CTNNB1: variants seen among roughly 807,000 people sequenced by gnomAD.
CTNNB1 encodes the protein catenin beta-1.
In CTNNB1, 6 loss-of-function variants were observed where a neutral mutation model predicts 82.5. That is an observed-to-expected ratio of 0.07 (90% CI 0.04 to 0.14). The LOEUF (loss-of-function observed/expected upper bound fraction) is 0.14, where lower values mean the gene tolerates loss of function less well. CTNNB1 is among the 10% of genes least tolerant of loss of function. The pLI, the probability that CTNNB1 is intolerant of heterozygous loss-of-function variation, is 1.00. For missense variants in CTNNB1, 529 were observed against 980.4 expected, an observed-to-expected ratio of 0.54 and a Z score of 6.15; for synonymous variants, 312 against 329.7, an observed-to-expected ratio of 0.95 and a Z score of 0.58.
At chr3:41,222,703 T>TA (rs1212492516) in intron 1 of CTNNB1, among the ~76,000 whole-genome samples, 2 of 152,172 alleles carry the variant, frequency 1.3e-5, no homozygotes, top group Non-Finnish European at 1.5e-5. Flanking sequence ...AACAGTACTA[T>TA]AAAAAAATGT....
intron 1 of CTNNB1, among the ~76,000 whole-genome samples, chr3:41,223,778 T>C (rs1293983679): frequency 6.6e-6 from 1 of 152,162 alleles, no homozygotes; most frequent in Admixed American, 6.5e-5. Context: ...ATAATTAATA[T>C]TTATACTATT....
intron 3 of CTNNB1, 36 bp downstream of exon 3, chr3:41,224,789 C>A (rs2078136121): frequency 6.2e-7 from 1 of 1,602,240 alleles, no homozygotes; most frequent in South Asian, 1.1e-5. Flanking sequence ...TACTGAAAGT[C>A]AGAATGCAGT....
In CTNNB1 at chr3:41,228,418, G is replaced by A. The variant is rs370384192; in HGVS notation, c.1081+1066G>A. On this transcript the variant is annotated intron_variant, in intron 7 of 14. Transcript: ENST00000349496. ...CTTTTTATTAGTAGCCATTCTAACT[G>A]GTGTGAGACGGTATCTCATTGTGGT... Among the ~76,000 whole-genome samples the A allele has an allele frequency of 5.3e-5, 8 of 152,222 alleles. No homozygotes were observed. In the East Asian group the frequency reaches 9.7e-4, roughly 18 times the overall value.
At chr3:41,204,348 G>A (rs901282821) in intron 1 of CTNNB1, among the ~76,000 whole-genome samples, 1 of 152,066 alleles carries the variant, frequency 6.6e-6, no homozygotes, top group Non-Finnish European at 1.5e-5. Context: ...TTGCTACCGG[G>A]GACTTAATTT....
At chr3:41,207,955 C>T (rs2077688294) in intron 1 of CTNNB1, among the ~76,000 whole-genome samples, 1 of 152,134 alleles carries the variant, frequency 6.6e-6, no homozygotes, top group Non-Finnish European at 1.5e-5. Flanking sequence ...CCTTTATTTT[C>T]CAAAACTTCA....
chr3:41,225,966 T>A lies in CTNNB1; in HGVS notation c.936+105T>A. 2 of 1,070,590 alleles carry A rather than the reference T, an allele frequency of 1.9e-6. No homozygotes were observed. The highest frequency in any genetic ancestry group is 2.8e-6 in the Non-Finnish European group (2 of 712,438). The allele number at this position is 1,070,590 out of a possible 1,614,324, so 66.3% of individuals were successfully genotyped here. On this transcript the variant is annotated intron_variant, in intron 6 of 14. Transcript: ENST00000349496. The surrounding 1 kb of genome is among the most constrained non-coding windows in gnomAD (Gnocchi z 5.3). ...ACCTTTTTGGCACCAGGGACCAGTT[T>A]CGTGGAAAACAGTTTTTCCATGAAT...
At chr3:41,208,998 C>T (rs1026938923) in intron 1 of CTNNB1, among the ~76,000 whole-genome samples, 3 of 152,214 alleles carry the variant, frequency 2.0e-5, no homozygotes, top group Non-Finnish European at 4.4e-5. Flanking sequence ...CTGCCAGTGA[C>T]CACCACGTTA....
Position 41,239,320 on chromosome 3 carries a change from C to T in CTNNB1, c.2324C>T (p.Ala775Val), listed in dbSNP as rs1302757202. The T allele has an allele frequency of 6.2e-7, 1 of 1,613,900 alleles. No homozygotes were observed. Among genetic ancestry groups the T allele is most frequent in the Non-Finnish European group, 8.5e-7 (1 of 1,179,938 alleles). Residue 775 changes from alanine to valine, a missense_variant, in exon 15 of 15, where the codon GCC (alanine) becomes GTC (valine). Ala to Val is a moderately conservative substitution (Grantham distance 64). Transcript: ENST00000349496. The stretch of plus-strand genomic sequence containing the variant: ...CCTCCAGGTGACAGCAATCAGCTGG[C>T]CTGGTTTGATACTGACCTGTAAATC... ...GLPPGDSNQLAWFDTDL is the reference protein window; with the variant it reads ...GLPPGDSNQLVWFDTDL
rs561653391 is a variant in CTNNB1, at chr3:41,218,857, G to A, written c.-48-5164G>A. Among the ~76,000 whole-genome samples the A allele has an allele frequency of 5.5e-4, 84 of 152,284 alleles. 1 individual carries two copies. The highest frequency in any genetic ancestry group is 1.1e-3 in the Non-Finnish European group (75 of 68,018). The stretch of plus-strand genomic sequence containing the variant: ...CAGGTGTGAGCCACCACACCTTGCC[G>A]AATTGCAGCCATATTTAATACTTTT... On this transcript the variant is annotated intron_variant, in intron 1 of 14. Coordinates refer to ENST00000349496, the MANE Select transcript of CTNNB1 (RefSeq NM_001904.4).
intron 13 of CTNNB1, chr3:41,236,969 C>A: frequency 1.7e-6 from 1 of 585,918 alleles, no homozygotes; most frequent in Admixed American, 3.2e-5. Flanking sequence ...AAAATGTTAC[C>A]AGATTAAAGA....
intron 1 of CTNNB1, chr3:41,220,714 T>A (rs887098058): frequency 6.6e-6 from 1 of 152,198 alleles, no homozygotes; most frequent in Admixed American, 6.5e-5. Context: ...CGGGGAATAA[T>A]TCTTTGGATC....
At chr3:41,200,878 T>TC (rs372869852) in intron 1 of CTNNB1, among the ~76,000 whole-genome samples, 42 of 152,266 alleles carry the variant, frequency 2.8e-4, no homozygotes, top group African/African-American at 1.0e-3. Flanking sequence ...TCTGTGGTCT[T>TC]CCCCCCACCC....
intron 14 of CTNNB1, chr3:41,238,546 T>TAA (rs2078494666): frequency 5.2e-6 from 1 of 193,144 alleles, no homozygotes; most frequent in Admixed American, 5.3e-5. Flanking sequence ...CTAACAATTA[T>TAA]AACTGTCTTA....
At chr3:41,212,637 T>C (rs922661204) in intron 1 of CTNNB1, among the ~76,000 whole-genome samples, 2 of 152,314 alleles carry the variant, frequency 1.3e-5, no homozygotes, top group African/African-American at 4.8e-5. Context: ...GCTGTTCAGT[T>C]GGTAGCAACC....
chr3:41,209,281 C>A (rs1315714640), intron 1 of CTNNB1, among the ~76,000 whole-genome samples: 1 of 152,132 alleles, frequency 6.6e-6, no homozygotes, highest in Non-Finnish European at 1.5e-5. Flanking sequence ...TGTTTGCTAA[C>A]GATTTCCAAA....
At chr3:41,207,337 C>G (rs185075009) in intron 1 of CTNNB1, among the ~76,000 whole-genome samples, 23 of 152,260 alleles carry the variant, frequency 1.5e-4, no homozygotes, top group Non-Finnish European at 1.5e-5. Flanking sequence ...AGAGCGCCCT[C>G]ATTATATGCT....
At chr3:41,206,684 G>A (rs2077655624) in intron 1 of CTNNB1, among the ~76,000 whole-genome samples, 1 of 151,890 alleles carries the variant, frequency 6.6e-6, no homozygotes, top group Non-Finnish European at 1.5e-5. Context: ...TAAGGGTGTA[G>A]GGAGTGAGTG....
chr3:41,213,311 C>T (rs2077837927), intron 1 of CTNNB1, among the ~76,000 whole-genome samples: 1 of 152,228 alleles, frequency 6.6e-6, no homozygotes, highest in African/African-American at 2.4e-5. Context: ...CTTTTGCATC[C>T]TTCTTCAGGT....
At chr3:41,219,135 C>T (rs1359157090) in intron 1 of CTNNB1, among the ~76,000 whole-genome samples, 3 of 152,162 alleles carry the variant, frequency 2.0e-5, no homozygotes, top group South Asian at 4.1e-4. Context: ...TTAACATTAT[C>T]AGTCTTTTTG....
Sources: gnomAD v4.1 joint callset for allele counts (sites outside exome capture counted in the v4.1 genomes callset) on GRCh38, gnomAD v4.1.1 for gene constraint, Gnocchi (gnomAD v3.1) non-coding constraint, MANE v1.5 for transcripts, NCBI Gene and HGNC (gene_info 2026-07-23, HGNC 2026-07-21) for gene names.